The following CLINT1 variants were observed in gnomAD, a reference collection of about 807,000 sequenced individuals.
CLINT1 encodes clathrin interactor 1.
Under a neutral mutation model 70.4 loss-of-function variants are expected in CLINT1, and 15 were observed. That is an observed-to-expected ratio of 0.21 (90% confidence interval 0.14 to 0.33). The LOEUF is 0.33. Among genes scored for constraint, CLINT1 ranks in the 10% least tolerant of loss-of-function variants. The pLI is 1.00. For synonymous variants in CLINT1, 227 were observed against 254.7 expected (o/e 0.89, Z 1.04); for missense variants, 615 against 778.1 (o/e 0.79, Z 2.49).
intron 10 of CLINT1, 142 bp downstream of exon 10, chr5:157,791,561 G>GTA: frequency 1.3e-6 from 1 of 759,210 alleles, no homozygotes; most frequent in East Asian, 2.5e-5. Context: ...GTGCAAATGC[G>GTA]TATATATACA....
chr5:157,796,889 T>C (rs1561639586), intron 8 of CLINT1, among the ~76,000 whole-genome samples: 1 of 105,116 alleles, frequency 9.5e-6, no homozygotes. Flanking sequence ...CATACATACA[T>C]ATATATATAT....
chr5:157,812,777 T>C (rs187498449), intron 5 of CLINT1, among the ~76,000 whole-genome samples: 1 of 152,304 alleles, frequency 6.6e-6, no homozygotes, highest in Admixed American at 6.5e-5. Context: ...ATGGCAATCC[T>C]AAGAGGGAAG....
intron 5 of CLINT1, among the ~76,000 whole-genome samples, chr5:157,810,105 A>C (rs1762508691): frequency 6.6e-6 from 1 of 152,216 alleles, no homozygotes; most frequent in African/African-American, 2.4e-5. Flanking sequence ...AAAACACAAA[A>C]CCAACACAAG....
At chr5:157,856,593 GTCTAAC>G (rs774620564) in intron 1 of CLINT1, among the ~76,000 whole-genome samples, 2 of 152,222 alleles carry the variant, frequency 1.3e-5, no homozygotes, top group Admixed American at 6.5e-5. Flanking sequence ...AAGGTGCACA[GTCTAAC>G]AGATCCACGG....
At chr5:157,827,963 G>T (rs1458935899) in intron 1 of CLINT1, among the ~76,000 whole-genome samples, 1 of 152,108 alleles carries the variant, frequency 6.6e-6, no homozygotes, top group Non-Finnish European at 1.5e-5. Flanking sequence ...TTTTGTCTCT[G>T]GCATATACTA....
intron 1 of CLINT1, among the ~76,000 whole-genome samples, chr5:157,832,316 T>TATTTGAGAAGTAAATAAAGGTAA (rs1344146486): frequency 6.6e-6 from 1 of 152,200 alleles, no homozygotes; most frequent in Non-Finnish European, 1.5e-5. Flanking sequence ...TTTCTATGTA[T>TATTTGAGAAGTAAATAAAGGTAA]ATTTGAGAAG....
At position 157,789,431 on chromosome 5, in the gene CLINT1, T is replaced by C. The variant is rs779816783; in HGVS notation, c.1463A>G (p.Asn488Ser). ...GGAAGGCTGCATACCAGGTAGTAAGTTGTCTAGGCTGATGTTTACACTGGG... is the reference window on the plus strand; with the variant it reads ...GGAAGGCTGCATACCAGGTAGTAAGCTGTCTAGGCTGATGTTTACACTGGG... ...SDPSVNISLD[N>S]LLPGMQPSKP... Residue 488 changes from asparagine to serine, a missense_variant, in exon 11 of 12, where the codon AAC (asparagine) becomes AGC (serine). Physicochemically the swap from Asn to Ser is conservative, Grantham distance 46 (BLOSUM62 1). This residue lies in a region of CLINT1 where 374 missense variants were observed against 409.6 expected (regional missense o/e 0.91). Transcript: ENST00000411809. The C allele has an allele frequency of 4.3e-6, 7 of 1,613,984 alleles. No individual in the cohort carries two copies. In the East Asian group the frequency reaches 8.9e-5, roughly 21 times the overall value.
rs756791030 is a variant in CLINT1, at chr5:157,787,913, G to A, written c.1611C>T (p.Val537=). 25 of 1,613,382 alleles carry A rather than the reference G, an allele frequency of 1.5e-5. No homozygotes were observed. In the South Asian group the frequency reaches 2.5e-4, roughly 16 times the overall value. The change falls in exon 12 of 12, where the codon GTC becomes GTT. Residue 537 remains valine (V), a synonymous_variant. Transcript: ENST00000411809. The part of the protein sequence containing the change: ...NLSSPSNMLP[V]RPQTNALIGG... ...CTATCAAAGCATTAGTTTGGGGCCG[G>A]ACAGGAAGCATGTTCGATGGAGAAC...
At chr5:157,814,015 T>C (rs1004994078) in intron 4 of CLINT1, among the ~76,000 whole-genome samples, 170 bp downstream of exon 4, 1 of 152,234 alleles carries the variant, frequency 6.6e-6, no homozygotes, top group South Asian at 2.1e-4. Flanking sequence ...CTGCAAGTTC[T>C]TGTCTTCACT....
At chr5:157,845,346 C>T (rs1753333178) in intron 1 of CLINT1, among the ~76,000 whole-genome samples, 2 of 151,604 alleles carry the variant, frequency 1.3e-5, no homozygotes, top group Admixed American at 1.3e-4. Flanking sequence ...AAGCCTCCAT[C>T]TCAAAATAAT....
chr5:157,842,701 A>G (rs1753227381), intron 1 of CLINT1, among the ~76,000 whole-genome samples: 1 of 152,214 alleles, frequency 6.6e-6, no homozygotes, highest in Admixed American at 6.5e-5. Context: ...TTCCAGTACA[A>G]GTTCCTCAAA....
At chr5:157,803,149 T>C (rs1561643139) in intron 8 of CLINT1, among the ~76,000 whole-genome samples, 1 of 152,228 alleles carries the variant, frequency 6.6e-6, no homozygotes, top group South Asian at 2.1e-4. Flanking sequence ...GCAGTACCTT[T>C]TGCTTATAAA....
At chr5:157,840,331 T>A (rs968369481) in intron 1 of CLINT1, among the ~76,000 whole-genome samples, 1 of 150,062 alleles carries the variant, frequency 6.7e-6, no homozygotes, top group Non-Finnish European at 1.5e-5. Flanking sequence ...AAACTCTTCA[T>A]TAAAAGAGAC....
At chr5:157,837,957 C>G (rs1213594726) in intron 1 of CLINT1, among the ~76,000 whole-genome samples, 1 of 151,962 alleles carries the variant, frequency 6.6e-6, no homozygotes, top group Non-Finnish European at 1.5e-5. Context: ...AGCCACCGTG[C>G]CCAGCCAAGA....
rs1762732900 is a variant in CLINT1, at chr5:157,816,716, G to A, written c.243+18C>T. Reference sequence around the variant, plus strand: ...GTTTTCAACATGTCAAGTAATTAAAGCAGACTTGTGTCCATACCTTATAAA... The same window carrying A: ...GTTTTCAACATGTCAAGTAATTAAAACAGACTTGTGTCCATACCTTATAAA... On this transcript the variant is annotated intron_variant, in intron 3 of 11. Coordinates refer to ENST00000411809, the MANE Select transcript of CLINT1 (RefSeq NM_014666.4). 6.4e-7 allele frequency: 1 copy of A among 1,555,570 alleles called. No homozygotes were observed. The highest frequency in any genetic ancestry group is 8.8e-7 in the Non-Finnish European group (1 of 1,132,062).
At chr5:157,822,226 T>A (rs1581511462) in intron 1 of CLINT1, among the ~76,000 whole-genome samples, 4 of 150,496 alleles carry the variant, frequency 2.7e-5, no homozygotes, top group East Asian at 1.9e-4. Flanking sequence ...TTTTTTTTTT[T>A]ATACTTTAAG....
chr5:157,858,798 G>A, intron 1 of CLINT1, 132 bp downstream of exon 1: 2 of 957,262 alleles, frequency 2.1e-6, no homozygotes, highest in African/African-American at 3.4e-5. Context: ...GGGAAGGAGC[G>A]GGCCGCCGCC....
At chr5:157,856,125 T>C (rs991578323) in intron 1 of CLINT1, among the ~76,000 whole-genome samples, 1 of 152,222 alleles carries the variant, frequency 6.6e-6, no homozygotes, top group Non-Finnish European at 1.5e-5. Context: ...AATATTTAAG[T>C]ATAACATTTA....
intron 1 of CLINT1, among the ~76,000 whole-genome samples, chr5:157,836,793 C>T (rs1431264850): frequency 6.6e-6 from 1 of 152,216 alleles, no homozygotes; most frequent in African/African-American, 2.4e-5. Context: ...GTGCCACATC[C>T]TCAGAAAGGC....
Sources: allele counts gnomAD v4.1 joint callset (sites outside exome capture counted in the v4.1 genomes callset), GRCh38; gene constraint gnomAD v4.1.1; regional missense constraint gnomAD v4.1.1; transcripts MANE v1.5; gene names NCBI Gene and HGNC (gene_info 2026-07-23, HGNC 2026-07-21).